Variants in PLCL1 observed in about 807,000 individuals in gnomAD.
PLCL1 encodes phospholipase C like 1 (inactive).
Under a neutral mutation model 84.4 loss-of-function variants are expected in PLCL1, and 41 were observed. That is an observed-to-expected ratio of 0.49 (90% CI 0.38 to 0.63). PLCL1 has a LOEUF of 0.63. Among genes scored for constraint, PLCL1 ranks in the 30% least tolerant of loss-of-function variants. The pLI is 0.00. For missense variants in PLCL1, 1,206 were observed against 1,367.8 expected, an observed-to-expected ratio of 0.88 and a Z score of 1.87; for synonymous variants, 490 against 488.3, an observed-to-expected ratio of 1.00 and a Z score of -0.05.
chr2:197,960,917 G>A (rs907611130), intron 1 of PLCL1, among the ~76,000 whole-genome samples: 3 of 152,036 alleles, frequency 2.0e-5, no homozygotes, highest in African/African-American at 7.2e-5. Flanking sequence ...GGTAATGTTA[G>A]AATCTCTGTC....
rs1159404926 is a variant in PLCL1, at chr2:197,805,815, G to A, written c.240+476G>A. Among the ~76,000 whole-genome samples the A allele has an allele frequency of 3.9e-5, 6 of 152,196 alleles. No homozygotes were observed. The highest frequency in any genetic ancestry group is 1.2e-4 in the African/African-American group (5 of 41,448). ...AATCCCAAGATGTGTGAACTTTCCC[G>A]GTAGGGAGGCAGAGTTTTAAGTGGA... On this transcript the variant is annotated intron_variant, in intron 1 of 5. Coordinates refer to ENST00000428675, the MANE Select transcript of PLCL1 (RefSeq NM_006226.4). This position sits in a 1 kb window ranked among gnomAD's most constrained non-coding sequence, Gnocchi z 4.0.
At chr2:198,110,706 G>A (rs1693598260) in intron 5 of PLCL1, among the ~76,000 whole-genome samples, 1 of 151,840 alleles carries the variant, frequency 6.6e-6, no homozygotes, top group Admixed American at 6.6e-5. Flanking sequence ...AGAGGGGGCT[G>A]TTAGTGTGAA....
At chr2:197,917,637 G>T (rs1688621254) in intron 1 of PLCL1, among the ~76,000 whole-genome samples, 1 of 152,124 alleles carries the variant, frequency 6.6e-6, no homozygotes, top group Admixed American at 6.5e-5. Context: ...TAATTTAAGG[G>T]GTTGGGGGAT....
chr2:198,030,296 A>C (rs1691380195), intron 1 of PLCL1, among the ~76,000 whole-genome samples: 1 of 152,116 alleles, frequency 6.6e-6, no homozygotes, highest in South Asian at 2.1e-4. Context: ...TTTGTTTGCT[A>C]AAGATAATGG....
chr2:197,992,968 A>G (rs1283693702), intron 1 of PLCL1, among the ~76,000 whole-genome samples: 2 of 152,304 alleles, frequency 1.3e-5, no homozygotes, highest in Non-Finnish European at 2.9e-5. Flanking sequence ...GCTTCTGTGA[A>G]CATAGGTATG....
At chr2:197,873,872 G>T (rs1040983669) in intron 1 of PLCL1, among the ~76,000 whole-genome samples, 6 of 152,010 alleles carry the variant, frequency 3.9e-5, no homozygotes, top group Admixed American at 3.9e-4. Flanking sequence ...ATTGCTACTT[G>T]TTTGTTTGCT....
At chr2:198,109,726 A>G (rs988743959) in intron 5 of PLCL1, among the ~76,000 whole-genome samples, 4 of 151,858 alleles carry the variant, frequency 2.6e-5, no homozygotes, top group African/African-American at 7.2e-5. Flanking sequence ...AAAGAACTGC[A>G]TTGTAAAGGT....
intron 1 of PLCL1, among the ~76,000 whole-genome samples, chr2:197,833,119 T>C (rs1412792117): frequency 2.6e-5 from 4 of 152,158 alleles, no homozygotes; most frequent in Non-Finnish European, 5.9e-5. Context: ...AGAGAATCAC[T>C]TGAGCCCGGG....
At chr2:197,920,616 T>C (rs575290979) in intron 1 of PLCL1, among the ~76,000 whole-genome samples, 3 of 152,302 alleles carry the variant, frequency 2.0e-5, no homozygotes, top group Admixed American at 6.5e-5. Context: ...GTTGCTTGCA[T>C]AGGTTTATGC....
intron 1 of PLCL1, among the ~76,000 whole-genome samples, chr2:198,072,910 T>C (rs1692497264): frequency 6.6e-6 from 1 of 152,174 alleles, no homozygotes; most frequent in African/African-American, 2.4e-5. Context: ...TTCTCTGGAA[T>C]TTTATCAGAT....
At chr2:198,128,674 T>C (rs1694048926) in intron 5 of PLCL1, among the ~76,000 whole-genome samples, 2 of 152,160 alleles carry the variant, frequency 1.3e-5, no homozygotes, top group African/African-American at 4.8e-5. Context: ...TCTTGTAGCC[T>C]CCAGCTGCAT....
At chr2:197,985,235 T>C (rs919860368) in intron 1 of PLCL1, among the ~76,000 whole-genome samples, 8 of 152,234 alleles carry the variant, frequency 5.3e-5, no homozygotes, top group South Asian at 2.1e-4. Context: ...GTGTGAAGTC[T>C]CAGTTTCTTT....
At chr2:198,057,899 A>T (rs1692106342) in intron 1 of PLCL1, among the ~76,000 whole-genome samples, 1 of 152,244 alleles carries the variant, frequency 6.6e-6, no homozygotes, top group Non-Finnish European at 1.5e-5. Flanking sequence ...GACTTAGAAG[A>T]TTATTCCAAA....
At chr2:198,117,532 C>G (rs1693773563) in intron 5 of PLCL1, among the ~76,000 whole-genome samples, 1 of 151,640 alleles carries the variant, frequency 6.6e-6, no homozygotes, top group African/African-American at 2.4e-5. Flanking sequence ...CTTGAGAGTT[C>G]CATACAGTTT....
chr2:198,085,497 G>C lies in PLCL1; in HGVS notation c.1980G>C (p.Trp660Cys). The change falls in exon 2 of 6, where the codon TGG becomes TGC. Residue 660 changes from tryptophan to cysteine, a missense_variant. Trp to Cys is a radical substitution (Grantham distance 215, BLOSUM62 -2). Transcript: ENST00000428675. This position sits in a 1 kb window ranked among gnomAD's most constrained non-coding sequence, Gnocchi z 5.3. ...GTAACTTGAATCCACAGGACTTTTG[G>C]AATTGTGGCTGTCAGATTGTAGCAA... is the stretch of plus-strand genomic sequence containing the variant. ...DSSNLNPQDF[W>C]NCGCQIVAMN... 6.2e-7 allele frequency: 1 copy of C among 1,614,024 alleles called. No homozygotes were observed. The highest frequency in any genetic ancestry group is 8.5e-7 in the Non-Finnish European group (1 of 1,179,906).
intron 1 of PLCL1, among the ~76,000 whole-genome samples, chr2:197,965,100 C>G (rs778620112): frequency 6.6e-6 from 1 of 152,038 alleles, no homozygotes; most frequent in Non-Finnish European, 1.5e-5. Context: ...TTCCCTCATC[C>G]TCTATTTTTT....
chr2:198,095,418 C>A (rs981766620), intron 3 of PLCL1, among the ~76,000 whole-genome samples: 1 of 152,102 alleles, frequency 6.6e-6, no homozygotes, highest in African/African-American at 2.4e-5. Flanking sequence ...TAGGATTCAT[C>A]TTAAATTGGG....
rs1693408531 is a variant in PLCL1, at chr2:198,103,953, G to C, written c.3105+17G>C. Reference sequence around the variant, plus strand: ...GTATTGAAGGTAGATGAAACACTCAGATGTCCCCTGTGCCTTTACTTTTCT... The same window carrying C: ...GTATTGAAGGTAGATGAAACACTCACATGTCCCCTGTGCCTTTACTTTTCT... On this transcript the variant is annotated intron_variant, in intron 5 of 5. Transcript: ENST00000428675. 1.6e-6 allele frequency: 2 copies of C among 1,278,926 alleles called. No individual in the cohort carries two copies. The highest frequency in any genetic ancestry group is 1.3e-5 in the South Asian group (1 of 78,020). The allele number at this position is 1,278,926 out of a possible 1,614,324, so 79.2% of individuals were successfully genotyped here.
chr2:198,096,057 T>G (rs1417519801), intron 3 of PLCL1, among the ~76,000 whole-genome samples: 2 of 152,202 alleles, frequency 1.3e-5, no homozygotes. Context: ...ACAAGAATAT[T>G]TTGGATGCCT....
Sources: allele counts gnomAD v4.1 joint callset (sites outside exome capture counted in the v4.1 genomes callset), GRCh38; gene constraint gnomAD v4.1.1; non-coding constraint Gnocchi (gnomAD v3.1); transcripts MANE v1.5; gene names NCBI Gene and HGNC (gene_info 2026-07-23, HGNC 2026-07-21).